Variants in BTN2A1 observed in about 807,000 individuals in gnomAD.
BTN2A1 encodes the protein butyrophilin subfamily 2 member A1, also known as butyrophilin, subfamily 2, member A1.
A neutral mutation model predicts 34.5 loss-of-function variants in BTN2A1; 41 were observed. The ratio of observed to expected loss-of-function variants is 1.19; its 90% CI spans 0.93 to 1.54. The LOEUF (loss-of-function observed/expected upper bound fraction) is 1.54. Ranked by LOEUF, BTN2A1 falls within the 40% of genes most tolerant of loss-of-function variation. The probability of loss-of-function intolerance (pLI) is 0.00; values close to 1 mark genes in which losing one functional copy is unlikely to be tolerated. For synonymous variants in BTN2A1, 267 were observed against 258.6 expected (o/e 1.03, Z -0.31); for missense variants, 642 against 662.0 (o/e 0.97, Z 0.33).
intron 3 of BTN2A1, among the ~76,000 whole-genome samples, chr6:26,462,127 A>T (rs536702600): frequency 6.6e-6 from 1 of 152,352 alleles, no homozygotes; most frequent in East Asian, 1.9e-4. Flanking sequence ...CAAAGGAATT[A>T]CTCAGAAGAA....
intron 4 of BTN2A1, 72 bp from the exon 5 acceptor site, chr6:26,465,113 G>T: frequency 7.6e-7 from 1 of 1,316,144 alleles, no homozygotes; most frequent in Non-Finnish European, 1.1e-6. Flanking sequence ...CTCTTCAAGT[G>T]TGCTCCTAGG....
intron 7 of BTN2A1, 147 bp from the exon 8 acceptor site, chr6:26,467,801 A>G: frequency 1.9e-6 from 3 of 1,564,858 alleles, no homozygotes; most frequent in Non-Finnish European, 2.6e-6. Context: ...TCAGTGTGTG[A>G]GCTGCCTAGG....
chr6:26,460,225 C>T (rs572077658), intron 3 of BTN2A1, among the ~76,000 whole-genome samples: 1 of 152,226 alleles, frequency 6.6e-6, no homozygotes, highest in African/African-American at 2.4e-5. Context: ...ACTGCAACCT[C>T]TGCCTCCCAG....
At chr6:26,471,432 A>G (rs1763446736), downstream of BTN2A1, among the ~76,000 whole-genome samples, 2 of 152,240 alleles carry the variant, frequency 1.3e-5, no homozygotes, top group South Asian at 4.1e-4. Flanking sequence ...TTGTCCCAAG[A>G]AACTGGAAAG....
Position 26,458,605 on chromosome 6 carries a change from A to C in BTN2A1, c.-30-2A>C. On this transcript the variant is annotated splice_acceptor_variant, in intron 1 of 7. Coordinates refer to ENST00000312541, the MANE Select transcript of BTN2A1 (RefSeq NM_007049.5). LOFTEE classifies it low-confidence loss of function (5UTR_SPLICE). ...TAGGCTGATTCTCCTCTGTAACCCTAGGCCTCCTGTCCCTGCCTGCTCTGG... is the reference window on the plus strand; with the variant it reads ...TAGGCTGATTCTCCTCTGTAACCCTCGGCCTCCTGTCCCTGCCTGCTCTGG... 6.2e-7 allele frequency: 1 copy of C among 1,612,398 alleles called. No homozygotes were observed. Among genetic ancestry groups the C allele is most frequent in the Non-Finnish European group, 8.5e-7 (1 of 1,178,534 alleles).
chr6:26,473,650 T>C (rs1763487454), downstream of BTN2A1, among the ~76,000 whole-genome samples: 5 of 152,260 alleles, frequency 3.3e-5, no homozygotes, highest in Admixed American at 3.3e-4. Flanking sequence ...CACAGTATCA[T>C]TTTAATTAAT....
chr6:26,475,050 A>G (rs1052121662), intron 7 of BTN2A1, among the ~76,000 whole-genome samples: 1 of 152,228 alleles, frequency 6.6e-6, no homozygotes, highest in African/African-American at 2.4e-5. Context: ...GGCATGAGCC[A>G]CTGCCCCCAG....
chr6:26,465,799 T>G lies in BTN2A1; in HGVS notation c.935-154T>G, dbSNP rs1005191097. On this transcript the variant is annotated intron_variant, in intron 5 of 7. Transcript: ENST00000312541. Reference sequence around the variant, plus strand: ...GTGCTGGTACTACCCAGCCACCTGATCATACATAATTTCTGGTTTCTGACA... The same window carrying G: ...GTGCTGGTACTACCCAGCCACCTGAGCATACATAATTTCTGGTTTCTGACA... 22 of 985,036 alleles carry G rather than the reference T, an allele frequency of 2.2e-5. 2 individuals are homozygous for G. The highest frequency in any genetic ancestry group is 5.2e-4 in the Middle Eastern group (1 of 1,936). The allele number at this position is 985,036 out of a possible 1,614,324, so 61.0% of individuals were successfully genotyped here. A position where few individuals can be genotyped will look rare whatever the true frequency, so the allele number is the denominator to read the frequency against.
chr6:26,471,835 A>G (rs977304261), downstream of BTN2A1, among the ~76,000 whole-genome samples: 7 of 152,250 alleles, frequency 4.6e-5, no homozygotes, highest in African/African-American at 1.7e-4. Context: ...ATGGAGATGC[A>G]GAGTAGTCCA....
intron 4 of BTN2A1, among the ~76,000 whole-genome samples, chr6:26,464,600 G>A (rs906075806): frequency 6.6e-6 from 1 of 152,142 alleles, no homozygotes; most frequent in Non-Finnish European, 1.5e-5. Context: ...AAGGGCCTGG[G>A]GAAGGAACAT....
chr6:26,473,861 C>A (rs535440340), downstream of BTN2A1, among the ~76,000 whole-genome samples: 1 of 147,114 alleles, frequency 6.8e-6, no homozygotes, highest in Non-Finnish European at 1.5e-5. Flanking sequence ...GTGTACAATT[C>A]AATATCGTTT....
intron 4 of BTN2A1, 58 bp from the exon 5 acceptor site, chr6:26,465,127 A>C: frequency 6.8e-7 from 1 of 1,476,552 alleles, no homozygotes. Flanking sequence ...TCCTAGGGGC[A>C]CTCTTACCCC....
downstream of BTN2A1, among the ~76,000 whole-genome samples, chr6:26,471,657 G>A (rs1484063928): frequency 6.9e-6 from 1 of 144,200 alleles, no homozygotes; most frequent in Admixed American, 6.7e-5. Flanking sequence ...AGAGAAGGAA[G>A]GAAGGAAAGG....
At chr6:26,460,505 A>G (rs1763139193) in intron 3 of BTN2A1, among the ~76,000 whole-genome samples, 2 of 152,198 alleles carry the variant, frequency 1.3e-5, no homozygotes, top group Admixed American at 6.5e-5. Context: ...CTGGGAGGTA[A>G]TAGGGAAGCC....
downstream of BTN2A1, among the ~76,000 whole-genome samples, chr6:26,473,410 T>C (rs1185725113): frequency 1.3e-5 from 2 of 152,148 alleles, no homozygotes; most frequent in East Asian, 1.9e-4. Flanking sequence ...GTGAAAAATA[T>C]AAAATATGCA....
rs779413549 is a variant in BTN2A1, at chr6:26,459,615, C to T, written c.217C>T (p.Pro73Ser). Residue 73 changes from proline (P) to serine (S), a missense_variant, in exon 3 of 8, where the codon CCC (proline) becomes TCC (serine). Coordinates refer to ENST00000312541, the MANE Select transcript of BTN2A1 (RefSeq NM_007049.5). ...EVRWFRSQFS[P>S]AVFVYKGGRE... ...GCGGTGGTTCCGGTCTCAGTTCTCC[C>T]CCGCAGTGTTTGTGTATAAAGGTGG... 6.2e-7 allele frequency: 1 copy of T among 1,614,006 alleles called. No homozygotes were observed. The highest frequency in any genetic ancestry group is 1.1e-5 in the South Asian group (1 of 91,072).
downstream of BTN2A1, among the ~76,000 whole-genome samples, chr6:26,473,905 GC>G (rs1212133007): frequency 6.6e-6 from 1 of 152,154 alleles, no homozygotes; most frequent in Non-Finnish European, 1.5e-5. Flanking sequence ...AGTGGCTTCT[GC>G]CCAGCAACTG....
chr6:26,459,957 A>C, intron 3 of BTN2A1, 129 bp downstream of exon 3: 1 of 919,608 alleles, frequency 1.1e-6, no homozygotes, highest in Non-Finnish European at 1.6e-6. Context: ...CTCCCTGTGG[A>C]AACGGAATTC....
chr6:26,469,453 A>C lies in BTN2A1; in HGVS notation c.*904A>C. Reference sequence around the variant, plus strand: ...TTGGTATTTATGGCATTTGAGATTGAAACTAAGAAATGTTTTAATTTATTA... The same window carrying C: ...TTGGTATTTATGGCATTTGAGATTGCAACTAAGAAATGTTTTAATTTATTA... On this transcript the variant is annotated 3_prime_UTR_variant, in exon 8 of 8. Coordinates refer to ENST00000312541, the MANE Select transcript of BTN2A1 (RefSeq NM_007049.5). 1 of 487,774 alleles carries C rather than the reference A, an allele frequency of 2.1e-6. No individual in the cohort carries two copies. The highest frequency in any genetic ancestry group is 2.7e-6 in the Non-Finnish European group (1 of 375,272). 30.2% of individuals were successfully genotyped at this position (487,774 alleles called of 1,614,324 possible). A position where few individuals can be genotyped will look rare whatever the true frequency, so the allele number is the denominator to read the frequency against.
Sources: gnomAD v4.1 joint callset for allele counts (sites outside exome capture counted in the v4.1 genomes callset) on GRCh38, gnomAD v4.1.1 for gene constraint, MANE v1.5 for transcripts, NCBI Gene and HGNC (gene_info 2026-07-23, HGNC 2026-07-21) for gene names.